Variants in TTLL5 observed in about 807,000 individuals in gnomAD.
TTLL5 encodes tubulin tyrosine ligase like 5.
TTLL5 carries 132 observed loss-of-function variants against 168.4 expected under a neutral mutation model. The ratio of observed to expected loss-of-function variants is 0.78; its 90% CI spans 0.68 to 0.91. The LOEUF (loss-of-function observed/expected upper bound fraction) is 0.91, where lower values mean the gene tolerates loss of function less well. Ranked by LOEUF, TTLL5 falls within the 40% of genes least tolerant of loss-of-function variation. The pLI, the probability that TTLL5 is intolerant of heterozygous loss-of-function variation, is 0.00. For missense variants in TTLL5, 1,545 were observed against 1,581.5 expected (o/e 0.98, Z 0.39); for synonymous variants, 546 against 558.6 (o/e 0.98, Z 0.32).
At chr14:75,874,933 C>CTTTTTTTTTTGTTTTTTTTT (rs2031349835) in intron 29 of TTLL5, among the ~76,000 whole-genome samples, 1 of 97,546 alleles carries the variant, frequency 1.0e-5, no homozygotes, top group Non-Finnish European at 1.8e-5. Flanking sequence ...CACTGGGGGC[C>CTTTTTTTTTTGTTTTTTTTT]TTTTTTTTTT....
Position 75,766,164 on chromosome 14 carries a change from AG to A in TTLL5, c.1813del (p.Glu605ArgfsTer18), listed in dbSNP as rs1566594426. Reference sequence around the variant, plus strand: ...GAAGATGAAGAACAGGAGGCTTCCCAGGAGGAGTCTGCAGGATTTCTTAGAG... The same window carrying A: ...GAAGATGAAGAACAGGAGGCTTCCCAGAGGAGTCTGCAGGATTTCTTAGAG... The part of the protein sequence containing the change: ...DNEDEEQEAS[Q>X]EESAGFLREN... On this transcript the variant is annotated frameshift_variant, in exon 20 of 32. Coordinates refer to ENST00000298832, the MANE Select transcript of TTLL5 (RefSeq NM_015072.5). LOFTEE classifies it high-confidence loss of function. 1 of 1,614,082 alleles carries A rather than the reference AG, an allele frequency of 6.2e-7. No homozygotes were observed. Among genetic ancestry groups the A allele is most frequent in the African/African-American group, 1.3e-5 (1 of 75,052 alleles).
chr14:75,805,644 T>C (rs1893610170), intron 27 of TTLL5, among the ~76,000 whole-genome samples: 2 of 152,236 alleles, frequency 1.3e-5, no homozygotes, highest in African/African-American at 2.4e-5. Flanking sequence ...CCTAACTATA[T>C]TGCAGAACAT....
chr14:75,673,835 A>G (rs1418762842), intron 3 of TTLL5, among the ~76,000 whole-genome samples: 1 of 152,190 alleles, frequency 6.6e-6, no homozygotes, highest in Admixed American at 6.5e-5. Flanking sequence ...TCACCTCAGC[A>G]AGTTGCCAAG....
chr14:75,741,584 C>A (rs944470851), intron 15 of TTLL5, among the ~76,000 whole-genome samples: 1 of 150,964 alleles, frequency 6.6e-6, no homozygotes, highest in African/African-American at 2.4e-5. Flanking sequence ...CTCCTTGACA[C>A]TCATAAGCAT....
intron 17 of TTLL5, among the ~76,000 whole-genome samples, chr14:75,748,107 C>T (rs926778951): frequency 2.0e-5 from 3 of 152,146 alleles, no homozygotes. Flanking sequence ...TTCCCTCTGT[C>T]AGAGATCACA....
chr14:75,811,653 T>A (rs1007986677), intron 27 of TTLL5, among the ~76,000 whole-genome samples: 2 of 152,222 alleles, frequency 1.3e-5, no homozygotes, highest in African/African-American at 4.8e-5. Context: ...CTCAAGGCTT[T>A]ACCTGTGATA....
intron 17 of TTLL5, among the ~76,000 whole-genome samples, chr14:75,746,877 A>G (rs151047101): frequency 6.6e-6 from 1 of 152,210 alleles, no homozygotes; most frequent in Non-Finnish European, 1.5e-5. Context: ...GCTGATTTTC[A>G]GCAGTTTGAT....
intron 24 of TTLL5, 33 bp downstream of exon 24, chr14:75,779,735 A>G: frequency 1.3e-6 from 2 of 1,577,416 alleles, no homozygotes; most frequent in Non-Finnish European, 1.7e-6. Flanking sequence ...GAAAAATAAG[A>G]AGAACAAGTG....
intron 2 of TTLL5, among the ~76,000 whole-genome samples, chr14:75,667,755 T>TTG (rs1883384391): frequency 7.1e-6 from 1 of 140,396 alleles, no homozygotes; most frequent in Admixed American, 7.1e-5. Context: ...TTTTATGTTT[T>TTG]TTTTTTTTTT....
intron 7 of TTLL5, among the ~76,000 whole-genome samples, chr14:75,705,721 T>A (rs982898529): frequency 7.9e-5 from 12 of 152,348 alleles, no homozygotes; most frequent in Admixed American, 7.8e-4. Flanking sequence ...TGTCTGCAAA[T>A]GTTGATGGTT....
At chr14:75,824,160 G>T (rs1468982560) in intron 28 of TTLL5, among the ~76,000 whole-genome samples, 1 of 152,132 alleles carries the variant, frequency 6.6e-6, no homozygotes, top group Admixed American at 6.5e-5. Flanking sequence ...GGGAGGAGCA[G>T]TAAATAAAAC....
rs564208662 is a variant in TTLL5, at chr14:75,679,426, T to C, written c.182-2119T>C. ...AAGGAACACAGCTCTGCCAATTCCT[T>C]GGTTTTAGCCTGGTGAGACCTGTGT... On this transcript the variant is annotated intron_variant, in intron 3 of 31. Transcript: ENST00000298832. 1.4e-4 allele frequency among the ~76,000 whole-genome samples: 21 copies of C among 152,306 alleles called. No individual in the cohort carries two copies. The South Asian group carries it at 4.3e-3, about 32-fold the overall frequency.
At chr14:75,905,235 C>T (rs529401234) in intron 31 of TTLL5, among the ~76,000 whole-genome samples, 68 of 152,292 alleles carry the variant, frequency 4.5e-4, no homozygotes, top group African/African-American at 1.6e-3. Context: ...CCATCTGGTC[C>T]AGTTAATTCA....
intron 31 of TTLL5, among the ~76,000 whole-genome samples, chr14:75,941,140 G>T (rs565933449): frequency 6.6e-6 from 1 of 152,200 alleles, no homozygotes; most frequent in Non-Finnish European, 1.5e-5. Flanking sequence ...TGTAGTCAGC[G>T]GCTCCCATGT....
chr14:75,836,199 A>G (rs1293511867), intron 28 of TTLL5, among the ~76,000 whole-genome samples: 1 of 152,234 alleles, frequency 6.6e-6, no homozygotes, highest in African/African-American at 2.4e-5. Context: ...ATAGTAGAGT[A>G]CTGTTCAGTC....
chr14:75,781,290 C>T (rs1280488653), intron 24 of TTLL5, among the ~76,000 whole-genome samples: 1 of 152,150 alleles, frequency 6.6e-6, no homozygotes, highest in Admixed American at 6.5e-5. Flanking sequence ...TTAAGGATAA[C>T]TGGCCGGCGG....
At chr14:75,747,927 CACA>C (rs1889710204) in intron 17 of TTLL5, among the ~76,000 whole-genome samples, 1 of 152,162 alleles carries the variant, frequency 6.6e-6, no homozygotes, top group Admixed American at 6.5e-5. Flanking sequence ...TCTTCTTCTG[CACA>C]ACTTCTTCTC....
At chr14:75,691,845 T>C (rs1251330317) in intron 6 of TTLL5, among the ~76,000 whole-genome samples, 2 of 152,234 alleles carry the variant, frequency 1.3e-5, no homozygotes, top group Non-Finnish European at 2.9e-5. Context: ...GGCTTGCCAG[T>C]CTCTCTGGGT....
chr14:75,707,562 T>C, intron 8 of TTLL5, 61 bp from the exon 9 acceptor site: 2 of 1,481,446 alleles, frequency 1.4e-6, no homozygotes, highest in Non-Finnish European at 1.9e-6. Context: ...CGTTGTTTAT[T>C]CTGTAACAGG....
Sources: gnomAD v4.1 joint callset for allele counts (sites outside exome capture counted in the v4.1 genomes callset) on GRCh38, gnomAD v4.1.1 for gene constraint, MANE v1.5 for transcripts, NCBI Gene and HGNC (gene_info 2026-07-23, HGNC 2026-07-21) for gene names.